PNLDC1: variants seen among roughly 807,000 people sequenced by gnomAD.
The protein encoded by PNLDC1 is PARN like ribonuclease domain containing exonuclease 1.
Under a neutral mutation model 82.0 loss-of-function variants are expected in PNLDC1, and 70 were observed. That is an observed-to-expected ratio of 0.85 (90% CI 0.70 to 1.04). PNLDC1 has a LOEUF of 1.04. PNLDC1 is among the 50% of genes least tolerant of loss of function. The pLI, the probability that PNLDC1 is intolerant of heterozygous loss-of-function variation, is 0.00. For synonymous variants in PNLDC1, 280 were observed against 249.3 expected (o/e 1.12, Z -1.16); for missense variants, 631 against 661.1 (o/e 0.95, Z 0.50).
intron 11 of PNLDC1, 72 bp downstream of exon 11, chr6:159,811,858 G>A: frequency 8.5e-7 from 1 of 1,174,202 alleles, no homozygotes; most frequent in Non-Finnish European, 1.2e-6. Context: ...TCTCTTGTGG[G>A]GTTTTTTTCT....
chr6:159,800,380 G>A lies in PNLDC1; in HGVS notation c.73G>A (p.Val25Met), dbSNP rs912072171. Reference protein sequence around the residue: ...LQELVQEADFVGLDIEFTGLR... With the variant: ...LQELVQEADFMGLDIEFTGLR... The stretch of plus-strand genomic sequence containing the variant: ...GGAGCTCGTCCAGGAGGCCGACTTC[G>A]TGGGTGAAGAGCCTGGGATTCGCGG... Residue 25 changes from valine (V) to methionine (M), a missense_variant, in exon 1 of 19, where the codon GTG becomes ATG. Coordinates refer to ENST00000392167, the MANE Select transcript of PNLDC1 (RefSeq NM_001271862.2). 1 of 1,547,970 alleles carries A rather than the reference G, an allele frequency of 6.5e-7. No homozygotes were observed. Among genetic ancestry groups the A allele is most frequent in the Non-Finnish European group, 8.7e-7 (1 of 1,146,336 alleles).
In PNLDC1 at chr6:159,817,056, A is replaced by G. The variant is rs1231156622; in HGVS notation, c.1115-53A>G. 22 of 1,507,684 alleles carry G rather than the reference A, an allele frequency of 1.5e-5. No homozygotes were observed. The African/African-American group carries it at 3.0e-4, about 21-fold the overall frequency. The allele number at this position is 1,507,684 out of a possible 1,614,324, so 93.4% of individuals were successfully genotyped here. A position where few individuals can be genotyped will look rare whatever the true frequency, so the allele number is the denominator to read the frequency against. On this transcript the variant is annotated intron_variant, in intron 14 of 18. Coordinates refer to ENST00000392167, the MANE Select transcript of PNLDC1 (RefSeq NM_001271862.2). ...CTTGCACATAATGAGATAAAGCATA[A>G]GCATGCACATTTTGATAAGCTCTAT...
At chr6:159,818,839 C>T (rs1781934653) in intron 16 of PNLDC1, 107 bp from the exon 17 acceptor site, 1 of 1,358,312 alleles carries the variant, frequency 7.4e-7, no homozygotes, top group South Asian at 1.4e-5. Context: ...TTCTCTTCCC[C>T]TCCCTGCCCC....
chr6:159,810,075 A>G lies in PNLDC1; in HGVS notation c.833A>G (p.Lys278Arg), dbSNP rs1278055393. The G allele has an allele frequency of 1.2e-6, 2 of 1,614,128 alleles. No homozygotes were observed. The highest frequency in any genetic ancestry group is 1.7e-6 in the Non-Finnish European group (2 of 1,179,972). Residue 278 changes from lysine (K) to arginine (R), a missense_variant, in exon 10 of 19, where the codon AAG (lysine) becomes AGG (arginine). Lys to Arg is a conservative substitution (Grantham distance 26). Coordinates refer to ENST00000392167, the MANE Select transcript of PNLDC1 (RefSeq NM_001271862.2). ...ATGGACCTGCTGCACCTCCATGAGA[A>G]GTTCTTCAGACCCCTCCCAGGTAGG... ...MMMDLLHLHE[K>R]FFRPLPESYD... is the part of the protein sequence containing the mutation.
chr6:159,801,919 G>T (rs1006550760), intron 3 of PNLDC1, among the ~76,000 whole-genome samples: 1 of 151,784 alleles, frequency 6.6e-6, no homozygotes, highest in African/African-American at 2.4e-5. Flanking sequence ...ATGGAGTCTC[G>T]CTCTGTTGCC....
chr6:159,813,552 TAAAC>T (rs1183447269), intron 11 of PNLDC1, 45 bp from the exon 12 acceptor site: 3 of 1,539,814 alleles, frequency 1.9e-6, no homozygotes, highest in Non-Finnish European at 2.7e-6. Flanking sequence ...AAACAGAGAA[TAAAC>T]AAAAGCGCAA....
At chr6:159,800,429 C>T (rs1460590666) in intron 1 of PNLDC1, 46 bp downstream of exon 1, 1 of 1,529,854 alleles carries the variant, frequency 6.5e-7, no homozygotes, top group South Asian at 1.2e-5. Context: ...AGCCCCTTGC[C>T]CCGGGCGAGC....
chr6:159,816,713 G>C, intron 14 of PNLDC1, 117 bp downstream of exon 14: 2 of 891,650 alleles, frequency 2.2e-6, no homozygotes, highest in Admixed American at 4.1e-5. Flanking sequence ...GCTCACTGCA[G>C]CCTCTACCTC....
intron 12 of PNLDC1, among the ~76,000 whole-genome samples, chr6:159,814,576 T>TG (rs1781753960): frequency 6.6e-6 from 1 of 152,162 alleles, no homozygotes; most frequent in African/African-American, 2.4e-5. Context: ...CACACTCTAG[T>TG]GCCTGCAAAT....
intron 9 of PNLDC1, among the ~76,000 whole-genome samples, chr6:159,809,451 A>ATTTT (rs71904720): frequency 1.4e-5 from 2 of 138,718 alleles, no homozygotes; most frequent in East Asian, 2.1e-4. Flanking sequence ...TACCTGGCTA[A>ATTTT]TTTTTTTTTT....
At chr6:159,816,907 C>T (rs1288257639) in intron 14 of PNLDC1, among the ~76,000 whole-genome samples, 1 of 152,190 alleles carries the variant, frequency 6.6e-6, no homozygotes, top group Admixed American at 6.5e-5. Flanking sequence ...TCAAGCAATC[C>T]ACCCGCCTCG....
intron 13 of PNLDC1, 103 bp downstream of exon 13, chr6:159,816,136 A>ACACCCCTCCCTGCCCCCCCACACCCCTC (rs1781811388): frequency 5.9e-5 from 10 of 168,832 alleles, no homozygotes; most frequent in Admixed American, 1.9e-4. Context: ...CTCCCCACCC[A>ACACCCCTCCCTGCCCCCCCACACCCCTC]CCCGCCACAC....
intron 16 of PNLDC1, 129 bp downstream of exon 16, chr6:159,818,783 T>C: frequency 8.3e-7 from 1 of 1,206,148 alleles, no homozygotes; most frequent in Non-Finnish European, 1.2e-6. Flanking sequence ...GGGTTTTTCT[T>C]TCCTCTCATG....
chr6:159,803,037 T>G lies in PNLDC1; in HGVS notation c.209-234T>G, dbSNP rs150463335. On this transcript the variant is annotated intron_variant, in intron 3 of 18. Coordinates refer to ENST00000392167, the MANE Select transcript of PNLDC1 (RefSeq NM_001271862.2). ...AGAATGTCATTTTAATATTTACTTC[T>G]GTATTTGAAGAACAGGCCACAATTA... Among the ~76,000 whole-genome samples, 310 of 152,332 alleles carry G rather than the reference T, an allele frequency of 2.0e-3. 1 individual carries two copies. Among genetic ancestry groups the G allele is most frequent in the Non-Finnish European group, 2.0e-3 (139 of 68,032 alleles).
intron 6 of PNLDC1, 85 bp downstream of exon 6, chr6:159,804,722 G>C (rs1781385990): frequency 3.0e-6 from 3 of 1,002,882 alleles, no homozygotes; most frequent in Non-Finnish European, 4.6e-6. Flanking sequence ...GTTTCCAGGA[G>C]TGTGGTGACC....
rs774265059 is a variant in PNLDC1, at chr6:159,818,480, G to A, written c.1158-75G>A. On this transcript the variant is annotated intron_variant, in intron 15 of 18. Coordinates refer to ENST00000392167, the MANE Select transcript of PNLDC1 (RefSeq NM_001271862.2). ...GGGAGTGTCCTTCTGTTCTGTCACC[G>A]GATTCTTGGCTGTGGCCGAGGAAGT... The A allele has an allele frequency of 1.3e-5, 17 of 1,331,006 alleles. No homozygotes were observed. The Admixed American group carries it at 1.7e-4, about 13-fold the overall frequency. 82.4% of individuals were successfully genotyped at this position (1,331,006 alleles called of 1,614,324 possible). A position where few individuals can be genotyped will look rare whatever the true frequency, so the allele number is the denominator to read the frequency against.
intron 1 of PNLDC1, 98 bp from the exon 2 acceptor site, chr6:159,800,674 G>A: frequency 6.2e-7 from 1 of 1,613,816 alleles, no homozygotes. Flanking sequence ...TGAGCGCAGA[G>A]GTGAGCGCGG....
Position 159,816,175 on chromosome 6 carries a change from T to G in PNLDC1, c.1060+142T>G, listed in dbSNP as rs1011838240. On this transcript the variant is annotated intron_variant, in intron 13 of 18. Transcript: ENST00000392167. ...TCCCCACCCCCCCACACCCCTCCCC[T>G]CCCCCCCACCTCTCCCCCTGCCCCG... The G allele has an allele frequency of 1.8e-3, 313 of 170,774 alleles. 5 individuals are homozygous for G. In the African/African-American group the frequency reaches 0.026, roughly 14 times the overall value. The allele number at this position is 170,774 out of a possible 1,614,324, so 10.6% of individuals were successfully genotyped here.
Position 159,813,550 on chromosome 6 carries a change from A to G in PNLDC1, c.940-51A>G, listed in dbSNP as rs752545764. 2.4e-5 allele frequency: 37 copies of G among 1,528,604 alleles called. No individual in the cohort carries two copies. The Admixed American group carries it at 3.8e-4, about 16-fold the overall frequency. The allele number at this position is 1,528,604 out of a possible 1,614,324, so 94.7% of individuals were successfully genotyped here. On this transcript the variant is annotated intron_variant, in intron 11 of 18. Transcript: ENST00000392167. ...CCATTTGGTACTGCCTGAAACAGAGAATAAACAAAAGCGCAAATGTTTTCC... is the reference window on the plus strand; with the variant it reads ...CCATTTGGTACTGCCTGAAACAGAGGATAAACAAAAGCGCAAATGTTTTCC...
Sources: gnomAD v4.1 joint callset for allele counts (sites outside exome capture counted in the v4.1 genomes callset) on GRCh38, gnomAD v4.1.1 for gene constraint, MANE v1.5 for transcripts, NCBI Gene and HGNC (gene_info 2026-07-23, HGNC 2026-07-21) for gene names.